The following AHRR variants were observed in gnomAD, a reference collection of about 807,000 sequenced individuals.
The protein encoded by AHRR is aryl hydrocarbon receptor repressor, also known as ahR repressor.
AHRR carries 28 observed loss-of-function variants against 44.0 expected under a neutral mutation model. The ratio of observed to expected loss-of-function variants is 0.64; its 90% CI spans 0.47 to 0.87. The LOEUF is 0.87. Among genes scored for constraint, AHRR ranks in the 40% least tolerant of loss-of-function variants. The probability of loss-of-function intolerance (pLI) is 0.00; values close to 1 mark genes in which losing one functional copy is unlikely to be tolerated. For missense variants in AHRR, 990 were observed against 953.9 expected (o/e 1.04, Z -0.50); for synonymous variants, 434 against 407.0 (o/e 1.07, Z -0.80).
intron 3 of AHRR, among the ~76,000 whole-genome samples, chr5:360,537 G>C (rs1743141974): frequency 1.3e-5 from 2 of 152,188 alleles, no homozygotes; most frequent in South Asian, 4.1e-4. Flanking sequence ...AGCAGTTGTT[G>C]GTAGAACTAT....
chr5:432,446 A>G lies in AHRR; in HGVS notation c.909-17A>G, dbSNP rs754029195. The G allele has an allele frequency of 2.5e-6, 4 of 1,612,696 alleles. No homozygotes were observed. The highest frequency in any genetic ancestry group is 3.3e-5 in the Admixed American group (2 of 59,994). On this transcript the variant is annotated splice_polypyrimidine_tract_variant and intron_variant, in intron 8 of 10. Transcript: ENST00000684583. ...TTCATCCGTCACATGTCACATGTTC[A>G]TCTGTGTTCTTCACAGAGTAAAAGC... is the stretch of plus-strand genomic sequence containing the variant.
intron 4 of AHRR, among the ~76,000 whole-genome samples, chr5:401,164 G>C (rs775420572): frequency 6.6e-6 from 1 of 152,200 alleles, no homozygotes; most frequent in Non-Finnish European, 1.5e-5. Context: ...ACAACCCCTT[G>C]GGGTGCACCC....
At position 415,602 on chromosome 5, in the gene AHRR, TG is replaced by T. The variant is rs1423986767; in HGVS notation, c.441+2170del. On this transcript the variant is annotated intron_variant, in intron 5 of 10. Coordinates refer to ENST00000684583, the MANE Select transcript of AHRR (RefSeq NM_001377236.1). ...TGCTGGGAGGCCTAGGGGCCGAATC[TG>T]CCTGGTGGGGCGGGAGGCCTAGGGG... 1.8e-3 allele frequency among the ~76,000 whole-genome samples: 243 copies of T among 131,576 alleles called. 9 individuals carry two copies. Among genetic ancestry groups the T allele is most frequent in the African/African-American group, 4.6e-3 (143 of 30,830 alleles). 86.3% of individuals were successfully genotyped at this position (131,576 alleles called of 152,430 possible). A position where few individuals can be genotyped will look rare whatever the true frequency, so the allele number is the denominator to read the frequency against.
At chr5:371,420 AT>A (rs1743577677) in intron 3 of AHRR, among the ~76,000 whole-genome samples, 1 of 152,160 alleles carries the variant, frequency 6.6e-6, no homozygotes, top group Non-Finnish European at 1.5e-5. Context: ...CTGAGTCAGG[AT>A]TTCAGCCCAG....
intron 1 of AHRR, among the ~76,000 whole-genome samples, chr5:331,423 G>A (rs976530853): frequency 4.0e-5 from 6 of 151,770 alleles, no homozygotes; most frequent in Non-Finnish European, 8.8e-5. Context: ...TTGTTTATTT[G>A]GGTCTTCTCT....
At chr5:420,967 G>T (rs1400029396) in intron 5 of AHRR, 5 of 259,538 alleles carry the variant, frequency 1.9e-5, no homozygotes, top group South Asian at 8.8e-5. Flanking sequence ...CGCTGGCACC[G>T]CTGAACAGCC....
At position 434,492 on chromosome 5, in the gene AHRR, C is replaced by G; in HGVS notation, c.1752C>G (p.Ile584Met). Residue 584 changes from isoleucine (I) to methionine (M), a missense_variant, in exon 11 of 11, where the codon ATC (isoleucine) becomes ATG (methionine). Coordinates refer to ENST00000684583, the MANE Select transcript of AHRR (RefSeq NM_001377236.1). ...TEPDSRQQVYISHLGHGVRGA... is the reference protein window; with the variant it reads ...TEPDSRQQVYMSHLGHGVRGA... ...CAGACTCTCGGCAACAGGTGTACAT[C>G]TCGCACCTGGGGCACGGCGTGCGGG... The G allele has an allele frequency of 6.2e-7, 1 of 1,613,306 alleles. No individual in the cohort carries two copies. The highest frequency in any genetic ancestry group is 8.5e-7 in the Non-Finnish European group (1 of 1,179,992).
rs1734243367 is a variant in AHRR at position 388,095 on chromosome 5, C to T, written c.351+11379C>T. On this transcript the variant is annotated intron_variant, in intron 4 of 10. Transcript: ENST00000684583. This position sits in a 1 kb window ranked among gnomAD's most constrained non-coding sequence, Gnocchi z 5.2. ...CATCTCAGCTTCGTGACATCCGCCA[C>T]TGTCCTATGTCCCAATACAGGAAGG... 6.6e-6 allele frequency among the ~76,000 whole-genome samples: 1 copy of T among 152,240 alleles called. No individual in the cohort carries two copies. Among genetic ancestry groups the T allele is most frequent in the South Asian group, 2.1e-4 (1 of 4,826 alleles).
At chr5:333,717 T>C (rs6872955) in intron 1 of AHRR, among the ~76,000 whole-genome samples, 14,982 of 138,926 alleles carry the variant, frequency 0.11, 2,395 homozygotes, top group African/African-American at 0.37. Context: ...AAGTTATTTG[T>C]TTCTTTCTTT....
In AHRR at chr5:434,524, A is replaced by G. The variant is rs1421361727; in HGVS notation, c.1784A>G (p.Gln595Arg). The G allele has an allele frequency of 6.2e-7, 1 of 1,611,672 alleles. No individual in the cohort carries two copies. Among genetic ancestry groups the G allele is most frequent in the South Asian group, 1.1e-5 (1 of 90,840 alleles). The change falls in exon 11 of 11, where the codon CAG (glutamine) becomes CGG (arginine). Residue 595 changes from glutamine to arginine, a missense_variant. Physicochemically the swap from Gln to Arg is conservative, Grantham distance 43. Transcript: ENST00000684583. ...CTGGGGCACGGCGTGCGGGGGGCTCAGCCCCATGGGAGGGCCACTGCTGGG... is the reference window on the plus strand; with the variant it reads ...CTGGGGCACGGCGTGCGGGGGGCTCGGCCCCATGGGAGGGCCACTGCTGGG... ...SHLGHGVRGA[Q>R]PHGRATAGRS... is the part of the protein sequence containing the mutation.
chr5:374,513 A>T lies in AHRR; in HGVS notation c.245-2097A>T, dbSNP rs566040756. Among the ~76,000 whole-genome samples, 3 of 152,290 alleles carry T rather than the reference A, an allele frequency of 2.0e-5. No individual in the cohort carries two copies. In the South Asian group the frequency reaches 6.2e-4, roughly 32 times the overall value. The stretch of plus-strand genomic sequence containing the variant: ...CCAAGGGATGCCCCCACCTCGGTGG[A>T]CTGTTCATGCTTCCTCGGAATAGTC... On this transcript the variant is annotated intron_variant, in intron 3 of 10. Transcript: ENST00000684583.
At chr5:399,914 G>A (rs1734939084) in intron 4 of AHRR, among the ~76,000 whole-genome samples, 1 of 152,234 alleles carries the variant, frequency 6.6e-6, no homozygotes, top group Non-Finnish European at 1.5e-5. Context: ...TTTACTGTTT[G>A]TGGGATCTAT....
chr5:371,285 A>T (rs1743572569), intron 3 of AHRR, among the ~76,000 whole-genome samples: 2 of 152,188 alleles, frequency 1.3e-5, no homozygotes, highest in Admixed American at 1.3e-4. Context: ...CCAACACAGC[A>T]GGCACGATGT....
intron 5 of AHRR, among the ~76,000 whole-genome samples, chr5:416,091 C>G (rs990847522): frequency 6.6e-6 from 1 of 152,244 alleles, no homozygotes; most frequent in Non-Finnish European, 1.5e-5. Context: ...GCCTCTCCCC[C>G]AGCATCCACG....
In AHRR at chr5:420,651, G is replaced by T. The variant is rs374084976; in HGVS notation, c.442-2078G>T. On this transcript the variant is annotated intron_variant, in intron 5 of 10. Coordinates refer to ENST00000684583, the MANE Select transcript of AHRR (RefSeq NM_001377236.1). ...AAGCCTTCCCCATGTGGAGAGGATG[G>T]AAGGGTTGGGCCTTGTGGTGTCCAC... Among the ~76,000 whole-genome samples, 44 of 152,360 alleles carry T rather than the reference G, an allele frequency of 2.9e-4. 1 individual carries two copies. The South Asian group carries it at 8.9e-3, about 31-fold the overall frequency.
chr5:435,134 C>T lies in AHRR; in HGVS notation c.*300C>T, dbSNP rs898049236. The T allele has an allele frequency of 2.7e-6, 1 of 374,154 alleles. No homozygotes were observed. The highest frequency in any genetic ancestry group is 4.8e-6 in the Non-Finnish European group (1 of 207,790). 23.2% of individuals were successfully genotyped at this position (374,154 alleles called of 1,614,324 possible). A position where few individuals can be genotyped will look rare whatever the true frequency, so the allele number is the denominator to read the frequency against. ...GATCATGGCTGGACAGCTTCATGCCCCAGAGGCAGCGAGCACCCGTCCCAT... is the reference window on the plus strand; with the variant it reads ...GATCATGGCTGGACAGCTTCATGCCTCAGAGGCAGCGAGCACCCGTCCCAT... On this transcript the variant is annotated 3_prime_UTR_variant, in exon 11 of 11. Coordinates refer to ENST00000684583, the MANE Select transcript of AHRR (RefSeq NM_001377236.1).
At chr5:344,808 T>A (rs1742537263) in intron 2 of AHRR, among the ~76,000 whole-genome samples, 1 of 133,208 alleles carries the variant, frequency 7.5e-6, no homozygotes, top group Non-Finnish European at 1.6e-5. Flanking sequence ...TGAGACTGTG[T>A]GTGCGGGTGT....
intron 1 of AHRR, among the ~76,000 whole-genome samples, chr5:325,279 T>C (rs1350385132): frequency 1.3e-5 from 2 of 152,200 alleles, no homozygotes. Context: ...CAGGGTCTTC[T>C]GGGGCTGGTG....
chr5:382,574 C>T (rs1734027831), intron 4 of AHRR, among the ~76,000 whole-genome samples: 1 of 148,932 alleles, frequency 6.7e-6, no homozygotes, highest in Admixed American at 6.7e-5. Context: ...ATCAATTTTA[C>T]TGATTTTTTT....
Sources: gnomAD v4.1 joint callset for allele counts (sites outside exome capture counted in the v4.1 genomes callset) on GRCh38, gnomAD v4.1.1 for gene constraint, Gnocchi (gnomAD v3.1) non-coding constraint, MANE v1.5 for transcripts, NCBI Gene and HGNC (gene_info 2026-07-23, HGNC 2026-07-21) for gene names.